The following KLF12 variants were observed in gnomAD, a reference collection of about 807,000 sequenced individuals.
KLF12 encodes Krueppel-like factor 12.
In KLF12, 9 loss-of-function variants were observed where a neutral mutation model predicts 37.8. That is an observed-to-expected ratio of 0.24 (90% confidence interval 0.14 to 0.42). The LOEUF (loss-of-function observed/expected upper bound fraction) is 0.42. KLF12 is among the 10% of genes least tolerant of loss of function. KLF12 has a pLI of 1.00. For missense variants in KLF12, 411 were observed against 516.0 expected (o/e 0.80, Z 1.97); for synonymous variants, 208 against 202.1 (o/e 1.03, Z -0.25).
At chr13:73,770,948 AC>A (rs1348778525) in intron 5 of KLF12, among the ~76,000 whole-genome samples, 7 of 152,202 alleles carry the variant, frequency 4.6e-5, no homozygotes, top group Non-Finnish European at 1.0e-4. Flanking sequence ...TCTGATATAC[AC>A]CAACAGAATG....
intron 3 of KLF12, among the ~76,000 whole-genome samples, chr13:73,886,992 CAA>C (rs35604161): frequency 8.2e-4 from 104 of 127,198 alleles, no homozygotes; most frequent in African/African-American, 1.9e-3. Flanking sequence ...AAATCCGTCT[CAA>C]AAAAAAAAAA....
the KLF12 span, among the ~76,000 whole-genome samples, chr13:74,303,552 A>G: frequency 6.6e-6 from 1 of 152,164 alleles, no homozygotes; most frequent in Non-Finnish European, 1.5e-5. Context: ...AAAAGATGCT[A>G]TTGATGAAAA....
chr13:73,763,084 T>C lies in KLF12; in HGVS notation c.869+1854A>G, dbSNP rs572442401. 4.6e-5 allele frequency among the ~76,000 whole-genome samples: 7 copies of C among 152,340 alleles called. No homozygotes were observed. In the South Asian group the frequency reaches 1.0e-3, roughly 23 times the overall value. ...TGCTTTTCTTACTAATTCTAGGTCT[T>C]TGCTCAAAAGCTTTCTTCTTTGGGA... On this transcript the variant is annotated intron_variant, in intron 6 of 7. Transcript: ENST00000377669.
chr13:73,896,866 G>A (rs530870536), intron 3 of KLF12, among the ~76,000 whole-genome samples: 5 of 152,228 alleles, frequency 3.3e-5, no homozygotes, highest in South Asian at 2.1e-4. Context: ...ATAGAGATGA[G>A]TATTTGGAAC....
At chr13:73,943,892 T>A in intron 3 of KLF12, 89 bp downstream of exon 3, 2 of 794,234 alleles carry the variant, frequency 2.5e-6, no homozygotes, top group South Asian at 3.1e-5. Flanking sequence ...AGGGAAACCG[T>A]AGAAGTGCTC....
At chr13:74,013,580 G>T (rs1418654373) in intron 1 of KLF12, among the ~76,000 whole-genome samples, 1 of 152,152 alleles carries the variant, frequency 6.6e-6, no homozygotes, top group African/African-American at 2.4e-5. Flanking sequence ...GATATGTGTT[G>T]TACCATTCTT....
intron 1 of KLF12, among the ~76,000 whole-genome samples, chr13:74,116,275 T>G (rs1048651134): frequency 3.9e-5 from 6 of 152,184 alleles, no homozygotes; most frequent in Admixed American, 3.9e-4. Context: ...ATTTCTTTGC[T>G]CCTAGGGAAA....
intron 1 of KLF12, among the ~76,000 whole-genome samples, chr13:74,107,540 G>A (rs189298016): frequency 1.1e-3 from 172 of 152,360 alleles, no homozygotes; most frequent in Non-Finnish European, 1.8e-3. Context: ...CTCTCACCGT[G>A]TGTGTATTTG....
intron 4 of KLF12, among the ~76,000 whole-genome samples, chr13:73,826,177 G>A (rs1407443916): frequency 3.9e-5 from 6 of 152,014 alleles, no homozygotes; most frequent in Non-Finnish European, 8.8e-5. Flanking sequence ...GTTTCACCGT[G>A]TTAGTCAGGA....
At chr13:73,810,982 CTTTTTTTTT>C (rs376490803) in intron 5 of KLF12, among the ~76,000 whole-genome samples, 2 of 44,818 alleles carry the variant, frequency 4.5e-5, no homozygotes, top group South Asian at 1.4e-3. Flanking sequence ...ATTTTTCTTT[CTTTTTTTTT>C]TTTTTTTTTT....
chr13:74,224,924 A>G, the KLF12 span, among the ~76,000 whole-genome samples: 1 of 152,170 alleles, frequency 6.6e-6, no homozygotes, highest in Non-Finnish European at 1.5e-5. Context: ...GGAAGTGCAT[A>G]AAACAGAAAA....
chr13:73,951,609 T>C (rs76687098), intron 2 of KLF12, among the ~76,000 whole-genome samples: 5,379 of 152,200 alleles, frequency 0.035, 103 homozygotes, highest in East Asian at 0.075. Context: ...ACGGCTGAGG[T>C]GGAAGCAGCA....
intron 3 of KLF12, among the ~76,000 whole-genome samples, chr13:73,881,833 A>C (rs1440051075): frequency 1.3e-5 from 2 of 152,192 alleles, no homozygotes; most frequent in African/African-American, 4.8e-5. Flanking sequence ...CAAGATCATG[A>C]ATGCTCTTCC....
chr13:74,092,213 C>T (rs1023355541), intron 1 of KLF12, among the ~76,000 whole-genome samples: 27 of 150,754 alleles, frequency 1.8e-4, no homozygotes, highest in African/African-American at 6.4e-4. Flanking sequence ...AGGAGAATCA[C>T]TTGAACCCGG....
intron 3 of KLF12, among the ~76,000 whole-genome samples, chr13:73,901,149 A>G (rs1012621139): frequency 6.6e-6 from 1 of 152,202 alleles, no homozygotes; most frequent in African/African-American, 2.4e-5. Flanking sequence ...AACTTCATCC[A>G]CATTCAGCAA....
At chr13:74,219,265 A>G in the KLF12 span, among the ~76,000 whole-genome samples, 471 of 152,282 alleles carry the variant, frequency 3.1e-3, 3 homozygotes, top group African/African-American at 0.011. Flanking sequence ...TGAGATTTGT[A>G]AATTTTAACC....
chr13:74,020,186 T>G (rs1892805376), intron 1 of KLF12, among the ~76,000 whole-genome samples: 1 of 152,080 alleles, frequency 6.6e-6, no homozygotes, highest in African/African-American at 2.4e-5. Flanking sequence ...AATATTTGGG[T>G]TTTTTTCCAA....
At chr13:73,992,534 G>C (rs977757808) in intron 2 of KLF12, among the ~76,000 whole-genome samples, 4 of 152,108 alleles carry the variant, frequency 2.6e-5, no homozygotes, top group Non-Finnish European at 4.4e-5. Context: ...TCTCAGTATG[G>C]ACACAACAGA....
chr13:73,814,212 T>C (rs74329569), intron 4 of KLF12, among the ~76,000 whole-genome samples: 6,046 of 152,324 alleles, frequency 0.04, 196 homozygotes, highest in South Asian at 0.12. Flanking sequence ...CCCACACTGT[T>C]AAATTGTATG....
Sources: gnomAD v4.1 joint callset for allele counts (sites outside exome capture counted in the v4.1 genomes callset) on GRCh38, gnomAD v4.1.1 for gene constraint, MANE v1.5 for transcripts, NCBI Gene and HGNC (gene_info 2026-07-23, HGNC 2026-07-21) for gene names.